Variants in NRG1 observed in about 807,000 individuals in gnomAD.
The protein encoded by NRG1 is neuregulin 1.
NRG1 carries 18 observed loss-of-function variants against 63.8 expected under a neutral mutation model. That is an observed-to-expected ratio of 0.28 (90% CI 0.19 to 0.42). The LOEUF (loss-of-function observed/expected upper bound fraction) is 0.42, where lower values mean the gene tolerates loss of function less well. Ranked by LOEUF, NRG1 falls within the 10% of genes least tolerant of loss-of-function variation. The pLI is 1.00. For synonymous variants in NRG1, 302 were observed against 301.3 expected (o/e 1.00, Z -0.02); for missense variants, 762 against 814.7 (o/e 0.94, Z 0.79).
At chr8:32,455,064 C>G (rs763669677) in intron 1 of NRG1, among the ~76,000 whole-genome samples, 4 of 152,086 alleles carry the variant, frequency 2.6e-5, no homozygotes, top group Non-Finnish European at 5.9e-5. Context: ...GTAAGCTGTA[C>G]CATCTTGGTT....
chr8:32,595,313 C>G (rs1171029535), intron 1 of NRG1, among the ~76,000 whole-genome samples: 1 of 152,008 alleles, frequency 6.6e-6, no homozygotes, highest in Non-Finnish European at 1.5e-5. Context: ...CCTCAGCCTC[C>G]CAGGTAGCCG....
At chr8:31,923,667 T>C (rs1307817657) in intron 1 of NRG1, among the ~76,000 whole-genome samples, 1 of 152,190 alleles carries the variant, frequency 6.6e-6, no homozygotes, top group African/African-American at 2.4e-5. Flanking sequence ...ATTCTTCTCA[T>C]GTTAACTGTA....
intron 1 of NRG1, among the ~76,000 whole-genome samples, chr8:31,871,461 C>T (rs1829478814): frequency 6.6e-6 from 1 of 151,978 alleles, no homozygotes. Flanking sequence ...GCAAGGGGAG[C>T]CATTTATATT....
At chr8:32,121,779 C>T (rs1402004849) in intron 1 of NRG1, among the ~76,000 whole-genome samples, 2 of 151,874 alleles carry the variant, frequency 1.3e-5, no homozygotes, top group African/African-American at 4.8e-5. Flanking sequence ...ACATTTGAGG[C>T]CCCAGCAATA....
intron 1 of NRG1, among the ~76,000 whole-genome samples, chr8:31,804,566 GA>G (rs1178761165): frequency 6.6e-6 from 1 of 152,048 alleles, no homozygotes. Context: ...TATCTCTCTA[GA>G]AAAAACAGTT....
intron 1 of NRG1, among the ~76,000 whole-genome samples, chr8:32,041,041 A>G (rs1366390779): frequency 1.3e-5 from 2 of 151,976 alleles, no homozygotes; most frequent in Non-Finnish European, 2.9e-5. Context: ...ACATCTGATG[A>G]TGTGTAACAT....
At chr8:32,598,711 T>C (rs1843787610) in intron 2 of NRG1, among the ~76,000 whole-genome samples, 2 of 152,152 alleles carry the variant, frequency 1.3e-5, no homozygotes, top group Non-Finnish European at 2.9e-5. Flanking sequence ...ACATACTTTG[T>C]ATAGAGTGGA....
chr8:32,051,171 G>T (rs888564717), intron 1 of NRG1, among the ~76,000 whole-genome samples: 4 of 151,984 alleles, frequency 2.6e-5, no homozygotes, highest in African/African-American at 9.7e-5. Context: ...TTTAATGAAT[G>T]TGTGTATTTT....
chr8:31,704,628 C>T (rs1323168653), intron 1 of NRG1, among the ~76,000 whole-genome samples: 1 of 151,820 alleles, frequency 6.6e-6, no homozygotes, highest in Admixed American at 6.6e-5. Flanking sequence ...GTCAGGAGAT[C>T]GAGACCATCC....
intron 1 of NRG1, among the ~76,000 whole-genome samples, chr8:31,882,329 TAAAA>T (rs745615085): frequency 1.4e-3 from 111 of 79,820 alleles, no homozygotes; most frequent in South Asian, 3.8e-3. Context: ...GCTCAAAAAC[TAAAA>T]AAAAAAAAAA....
intron 1 of NRG1, among the ~76,000 whole-genome samples, chr8:31,824,210 T>G (rs1824308803): frequency 7.7e-6 from 1 of 130,086 alleles, no homozygotes; most frequent in African/African-American, 2.9e-5. Context: ...GTGTGTGATG[T>G]TCCCCTTCCT....
At chr8:32,373,151 A>G (rs1333913545) in intron 1 of NRG1, among the ~76,000 whole-genome samples, 2 of 152,200 alleles carry the variant, frequency 1.3e-5, no homozygotes, top group African/African-American at 4.8e-5. Flanking sequence ...GAGGGGGGAA[A>G]TGACAATGAA....
chr8:32,706,306 ATACTT>A (rs2128971862), intron 5 of NRG1, among the ~76,000 whole-genome samples: 1 of 152,338 alleles, frequency 6.6e-6, no homozygotes, highest in African/African-American at 2.4e-5. Context: ...ATATATTAGA[ATACTT>A]TATATCTTCT....
intron 5 of NRG1, among the ~76,000 whole-genome samples, chr8:32,716,002 T>C (rs1328023255): frequency 6.6e-6 from 1 of 152,174 alleles, no homozygotes; most frequent in Non-Finnish European, 1.5e-5. Context: ...TAGCAAGGTC[T>C]TGTTTTCCTG....
intron 7 of NRG1, among the ~76,000 whole-genome samples, chr8:32,743,679 A>G (rs987268134): frequency 6.6e-6 from 1 of 150,624 alleles, no homozygotes; most frequent in Non-Finnish European, 1.5e-5. Context: ...TTCCTAAAAG[A>G]CCCAATTCAC....
rs1326643485 is a variant in NRG1 at position 32,084,292 on chromosome 8, CTT to C, written c.37+444864_37+444865del. Among the ~76,000 whole-genome samples the C allele has an allele frequency of 2.0e-5, 3 of 152,086 alleles. No homozygotes were observed. In the East Asian group the frequency reaches 5.8e-4, roughly 29 times the overall value. Reference sequence around the variant, plus strand: ...TATCTCACAGAGTTTTTTTTGGAGACTTTTCTGAGATCTCAAAATGAGGTCTC... The same window carrying C: ...TATCTCACAGAGTTTTTTTTGGAGACTTCTGAGATCTCAAAATGAGGTCTC... On this transcript the variant is annotated intron_variant, in intron 1 of 10. Coordinates refer to the NRG1 transcript ENST00000519301.
chr8:32,307,625 G>A (rs7002908), intron 1 of NRG1, among the ~76,000 whole-genome samples: 1 of 151,070 alleles, frequency 6.6e-6, no homozygotes, highest in African/African-American at 2.4e-5. Context: ...GTGTGTGTGT[G>A]TGTTTGTGTG....
chr8:32,496,313 C>A (rs571675906), intron 1 of NRG1, among the ~76,000 whole-genome samples: 3 of 152,286 alleles, frequency 2.0e-5, no homozygotes, highest in African/African-American at 7.2e-5. Flanking sequence ...AGATTTTCAT[C>A]TAAAACTAGA....
At chr8:32,759,588 C>T in intron 10 of NRG1, 152 bp downstream of exon 10, 2 of 982,990 alleles carry the variant, frequency 2.0e-6, no homozygotes, top group Non-Finnish European at 2.9e-6. Flanking sequence ...CCCTTAATTC[C>T]TGCATAAATT....
Sources: gnomAD v4.1 joint callset for allele counts (sites outside exome capture counted in the v4.1 genomes callset) on GRCh38, gnomAD v4.1.1 for gene constraint, MANE v1.5 for transcripts, NCBI Gene and HGNC (gene_info 2026-07-23, HGNC 2026-07-21) for gene names.